The following KCNN2 variants were observed in gnomAD, a reference collection of about 807,000 sequenced individuals.
The protein encoded by KCNN2 is small conductance calcium-activated potassium channel protein 2.
In KCNN2, 24 loss-of-function variants were observed where a neutral mutation model predicts 55.5. That is an observed-to-expected ratio of 0.43 (90% CI 0.31 to 0.61). The LOEUF (loss-of-function observed/expected upper bound fraction) is 0.61, where lower values mean the gene tolerates loss of function less well. Among genes scored for constraint, KCNN2 ranks in the 20% least tolerant of loss-of-function variants. The probability of loss-of-function intolerance (pLI) is 0.08; values close to 1 mark genes in which losing one functional copy is unlikely to be tolerated. For synonymous variants in KCNN2, 431 were observed against 336.1 expected (o/e 1.28, Z -3.09); for missense variants, 754 against 853.6 (o/e 0.88, Z 1.45).
intron 2 of KCNN2, among the ~76,000 whole-genome samples, chr5:114,341,733 A>G (rs1757019064): frequency 6.6e-6 from 1 of 152,196 alleles, no homozygotes; most frequent in Admixed American, 6.5e-5. Context: ...TTTTACCCAT[A>G]ACATACTAAT....
At position 114,135,468 on chromosome 5, in the gene KCNN2, C is replaced by G. The variant is rs572873632; in HGVS notation, c.-271+78968C>G. On this transcript the variant is annotated intron_variant, in intron 1 of 10. Coordinates refer to the KCNN2 transcript ENST00000512097. ...CCCCAACCCGACTCCAAACAGTCAT[C>G]TTTTCCCACTGGATTCCCAGAATTT... Among the ~76,000 whole-genome samples the G allele has an allele frequency of 1.6e-4, 25 of 152,308 alleles. No homozygotes were observed. The South Asian group carries it at 5.2e-3, about 32-fold the overall frequency.
intron 1 of KCNN2, among the ~76,000 whole-genome samples, chr5:114,212,129 T>C (rs1230664019): frequency 6.6e-6 from 1 of 152,006 alleles, no homozygotes; most frequent in East Asian, 1.9e-4. Flanking sequence ...CACTTAAAAA[T>C]TTTTTGTCAG....
chr5:114,256,021 C>T (rs1754977059), intron 2 of KCNN2, among the ~76,000 whole-genome samples: 1 of 152,028 alleles, frequency 6.6e-6, no homozygotes, highest in South Asian at 2.1e-4. Flanking sequence ...CTTTCTGAGT[C>T]TCCAGTGTCT....
chr5:114,205,156 T>C (rs1487750963), intron 1 of KCNN2, among the ~76,000 whole-genome samples: 1 of 151,986 alleles, frequency 6.6e-6, no homozygotes, highest in East Asian at 1.9e-4. Context: ...ATAGGCAGAA[T>C]TGACTAAATT....
chr5:114,084,381 A>G (rs910017378), intron 1 of KCNN2, among the ~76,000 whole-genome samples: 4 of 152,052 alleles, frequency 2.6e-5, no homozygotes, highest in Admixed American at 2.6e-4. Context: ...TACATACGTT[A>G]TGGTATTTCA....
Position 114,477,988 on chromosome 5 carries a change from C to T in KCNN2, c.1890+4824C>T, listed in dbSNP as rs144639665. Among the ~76,000 whole-genome samples, 28 of 152,272 alleles carry T rather than the reference C, an allele frequency of 1.8e-4. No individual in the cohort carries two copies. In the East Asian group the frequency reaches 5.2e-3, roughly 28 times the overall value. Reference sequence around the variant, plus strand: ...GATTTATTTCACATTGTCCTTGGCTCACAGCCCAGGGGGTTAACACATTAA... The same window carrying T: ...GATTTATTTCACATTGTCCTTGGCTTACAGCCCAGGGGGTTAACACATTAA... On this transcript the variant is annotated intron_variant, in intron 5 of 7. Transcript: ENST00000673685.
intron 1 of KCNN2, among the ~76,000 whole-genome samples, chr5:114,158,103 C>T (rs1330223929): frequency 2.6e-5 from 4 of 152,006 alleles, no homozygotes; most frequent in African/African-American, 9.7e-5. Flanking sequence ...AATGGTATTG[C>T]CTAGGTTTTC....
intron 1 of KCNN2, among the ~76,000 whole-genome samples, chr5:114,092,312 A>G (rs1335512193): frequency 1.3e-5 from 2 of 152,234 alleles, no homozygotes; most frequent in Non-Finnish European, 2.9e-5. Flanking sequence ...TCTCACATCC[A>G]GGTCATGCTG....
chr5:114,458,950 G>A (rs1761062422), intron 3 of KCNN2, among the ~76,000 whole-genome samples: 1 of 152,218 alleles, frequency 6.6e-6, no homozygotes, highest in Non-Finnish European at 1.5e-5. Context: ...CGGGTGCTGA[G>A]GGAGGCAGGA....
At chr5:114,329,748 T>C (rs1052645418) in intron 2 of KCNN2, among the ~76,000 whole-genome samples, 5 of 152,214 alleles carry the variant, frequency 3.3e-5, no homozygotes, top group African/African-American at 1.2e-4. Flanking sequence ...TCCGTCCCTT[T>C]GGAGATCCCT....
chr5:114,366,957 G>A (rs1467601071), intron 2 of KCNN2, among the ~76,000 whole-genome samples: 7 of 152,068 alleles, frequency 4.6e-5, no homozygotes, highest in Non-Finnish European at 8.8e-5. Context: ...GTAAAAGCTC[G>A]CCAGTGCAGA....
chr5:114,200,085 A>AT (rs1753641762), intron 1 of KCNN2, among the ~76,000 whole-genome samples: 1 of 151,892 alleles, frequency 6.6e-6, no homozygotes, highest in African/African-American at 2.4e-5. Flanking sequence ...TTCATTGATT[A>AT]TTTTTTTAGA....
chr5:114,162,292 C>T (rs1752803806), intron 1 of KCNN2, among the ~76,000 whole-genome samples: 1 of 152,194 alleles, frequency 6.6e-6, no homozygotes, highest in Admixed American at 6.5e-5. Flanking sequence ...GCATGGGTAT[C>T]AGCAGTGGTG....
At chr5:114,244,545 C>A (rs533065762) in intron 2 of KCNN2, among the ~76,000 whole-genome samples, 1 of 150,300 alleles carries the variant, frequency 6.7e-6, no homozygotes, top group East Asian at 2.0e-4. Flanking sequence ...TACAGCGAGC[C>A]GAGATCGCGC....
At chr5:114,164,421 A>T (rs1202332016) in intron 1 of KCNN2, among the ~76,000 whole-genome samples, 1 of 152,192 alleles carries the variant, frequency 6.6e-6, no homozygotes, top group African/African-American at 2.4e-5. Context: ...CCCATAAAAA[A>T]TTTAAACTAA....
intron 1 of KCNN2, among the ~76,000 whole-genome samples, chr5:114,068,521 G>C (rs992369512): frequency 1.3e-5 from 2 of 152,148 alleles, no homozygotes; most frequent in Non-Finnish European, 1.5e-5. Flanking sequence ...CTGTTTCCAT[G>C]GGTAAAAAGC....
chr5:114,168,226 A>G (rs1752960631), intron 1 of KCNN2, among the ~76,000 whole-genome samples: 1 of 151,920 alleles, frequency 6.6e-6, no homozygotes, highest in African/African-American at 2.4e-5. Flanking sequence ...TGATAAATAC[A>G]CACACATATA....
At chr5:114,469,391 T>C (rs1157467008) in intron 4 of KCNN2, among the ~76,000 whole-genome samples, 1 of 152,190 alleles carries the variant, frequency 6.6e-6, no homozygotes, top group Admixed American at 6.5e-5. Flanking sequence ...TTTCTTCATT[T>C]TGTTTTTAAA....
chr5:114,451,210 G>A (rs565269010), intron 3 of KCNN2, among the ~76,000 whole-genome samples: 10 of 152,170 alleles, frequency 6.6e-5, no homozygotes, highest in Non-Finnish European at 1.5e-4. Flanking sequence ...CACGATAAAT[G>A]TAATTCTTCA....
Sources: allele counts gnomAD v4.1 joint callset (sites outside exome capture counted in the v4.1 genomes callset), GRCh38; gene constraint gnomAD v4.1.1; transcripts MANE v1.5; gene names NCBI Gene and HGNC (gene_info 2026-07-23, HGNC 2026-07-21).